SORCS3: variants seen among roughly 807,000 people sequenced by gnomAD.
SORCS3 encodes the protein VPS10 domain-containing receptor SorCS3.
Under a neutral mutation model 146.3 loss-of-function variants are expected in SORCS3, and 57 were observed. That is an observed-to-expected ratio of 0.39 (90% CI 0.31 to 0.49). The LOEUF is 0.49. Among genes scored for constraint, SORCS3 ranks in the 20% least tolerant of loss-of-function variants. The pLI, the probability that SORCS3 is intolerant of heterozygous loss-of-function variation, is 0.92. For synonymous variants in SORCS3, 653 were observed against 618.5 expected (o/e 1.06, Z -0.83); for missense variants, 1,341 against 1,575.5 (o/e 0.85, Z 2.52).
At chr10:105,190,850 T>C (rs1044061375) in intron 14 of SORCS3, among the ~76,000 whole-genome samples, 1 of 152,184 alleles carries the variant, frequency 6.6e-6, no homozygotes, top group Non-Finnish European at 1.5e-5. Flanking sequence ...ACAAAGTAAA[T>C]AATCATAATA....
At chr10:104,678,011 C>G (rs1025748104) in intron 1 of SORCS3, among the ~76,000 whole-genome samples, 5 of 152,088 alleles carry the variant, frequency 3.3e-5, no homozygotes, top group Admixed American at 2.0e-4. Context: ...CACCCACTTC[C>G]CAGGAGCTTG....
chr10:105,076,263 A>T (rs960458666), intron 5 of SORCS3, among the ~76,000 whole-genome samples: 2 of 152,166 alleles, frequency 1.3e-5, no homozygotes, highest in African/African-American at 4.8e-5. Flanking sequence ...CTCCTCTCTG[A>T]ACCACTGGAC....
At chr10:104,865,450 G>A (rs778851901) in intron 2 of SORCS3, among the ~76,000 whole-genome samples, 5 of 152,072 alleles carry the variant, frequency 3.3e-5, no homozygotes, top group Admixed American at 6.5e-5. Flanking sequence ...CAAATTTTAG[G>A]GATGAAGAAA....
chr10:105,029,342 C>T (rs2055249873), intron 4 of SORCS3, among the ~76,000 whole-genome samples: 1 of 152,302 alleles, frequency 6.6e-6, no homozygotes, highest in South Asian at 2.1e-4. Context: ...ATTTTAAAAT[C>T]CAAGGACAAG....
At chr10:104,675,165 T>C (rs1234063719) in intron 1 of SORCS3, among the ~76,000 whole-genome samples, 1 of 152,228 alleles carries the variant, frequency 6.6e-6, no homozygotes, top group African/African-American at 2.4e-5. Context: ...TTCTGTTGGG[T>C]ATGGTGATAA....
At chr10:105,058,239 G>A (rs1429413004) in intron 5 of SORCS3, among the ~76,000 whole-genome samples, 1 of 152,150 alleles carries the variant, frequency 6.6e-6, no homozygotes, top group Non-Finnish European at 1.5e-5. Context: ...TCTATAAAAG[G>A]CACCACAGTG....
chr10:104,776,341 T>A (rs760971209), intron 1 of SORCS3, among the ~76,000 whole-genome samples: 2 of 152,108 alleles, frequency 1.3e-5, no homozygotes, highest in Non-Finnish European at 2.9e-5. Flanking sequence ...GGAATTCTTA[T>A]GTGTATTTTG....
At chr10:104,835,426 G>A (rs1220416454) in intron 1 of SORCS3, among the ~76,000 whole-genome samples, 2 of 152,170 alleles carry the variant, frequency 1.3e-5, no homozygotes, top group African/African-American at 4.8e-5. Context: ...GGACCTAGAG[G>A]TGGATGTGCA....
intron 14 of SORCS3, among the ~76,000 whole-genome samples, chr10:105,194,100 T>C (rs1412833617): frequency 6.6e-6 from 1 of 152,122 alleles, no homozygotes; most frequent in Non-Finnish European, 1.5e-5. Context: ...GTTCCTGTGG[T>C]TGGGAGCAAC....
chr10:105,060,938 A>G (rs1053666761), intron 5 of SORCS3, among the ~76,000 whole-genome samples: 1 of 120,738 alleles, frequency 8.3e-6, no homozygotes, highest in Non-Finnish European at 1.9e-5. Context: ...ACTCCGTCTT[A>G]AAACAAAAAA....
chr10:105,058,264 A>G (rs1178094751), intron 5 of SORCS3, among the ~76,000 whole-genome samples: 2 of 152,178 alleles, frequency 1.3e-5, no homozygotes, highest in Non-Finnish European at 1.5e-5. Flanking sequence ...ATAATTGTCA[A>G]TGAGTGGGCT....
At chr10:104,653,839 T>C (rs1239810441) in intron 1 of SORCS3, among the ~76,000 whole-genome samples, 2 of 152,224 alleles carry the variant, frequency 1.3e-5, no homozygotes, top group Non-Finnish European at 2.9e-5. Flanking sequence ...TATTTTAAAA[T>C]GTACAATTAA....
At chr10:105,024,783 C>T (rs1242851608) in intron 4 of SORCS3, among the ~76,000 whole-genome samples, 1 of 152,146 alleles carries the variant, frequency 6.6e-6, no homozygotes, top group Admixed American at 6.5e-5. Context: ...CACCAACTAC[C>T]TGCCTAAGAA....
intron 1 of SORCS3, among the ~76,000 whole-genome samples, chr10:104,686,615 T>G (rs1554843796): frequency 6.6e-6 from 1 of 152,070 alleles, no homozygotes; most frequent in Non-Finnish European, 1.5e-5. Flanking sequence ...CACACAAGTC[T>G]TCTCTCTCCC....
intron 2 of SORCS3, among the ~76,000 whole-genome samples, chr10:104,870,003 G>A (rs2018501901): frequency 6.6e-6 from 1 of 152,210 alleles, no homozygotes; most frequent in East Asian, 1.9e-4. Flanking sequence ...GTAAATGAAT[G>A]AGTAGATATA....
intron 20 of SORCS3, among the ~76,000 whole-genome samples, chr10:105,242,934 T>TTATATATATAATATATGATATATAAATTA (rs200016626): frequency 3.6e-5 from 4 of 110,610 alleles, no homozygotes; most frequent in Non-Finnish European, 5.0e-5. Context: ...GATATATAAA[T>TTATATATATAATATATGATATATAAATTA]TATATATAAT....
At chr10:105,168,619 A>T (rs1383851983) in intron 13 of SORCS3, among the ~76,000 whole-genome samples, 1 of 152,130 alleles carries the variant, frequency 6.6e-6, no homozygotes, top group East Asian at 1.9e-4. Flanking sequence ...ATTTTACTGG[A>T]AAGCATCGGA....
intron 7 of SORCS3, among the ~76,000 whole-genome samples, chr10:105,130,723 G>A (rs548670893): frequency 6.4e-4 from 98 of 152,220 alleles, no homozygotes; most frequent in Non-Finnish European, 1.1e-3. Flanking sequence ...TTCAAAGGAG[G>A]CTCAGCCATA....
At chr10:104,749,423 A>G (rs545009974) in intron 1 of SORCS3, among the ~76,000 whole-genome samples, 3 of 152,248 alleles carry the variant, frequency 2.0e-5, no homozygotes, top group African/African-American at 4.8e-5. Flanking sequence ...TGTCTTCTTC[A>G]TATTTCATGC....
Sources: gnomAD v4.1 joint callset for allele counts (sites outside exome capture counted in the v4.1 genomes callset) on GRCh38, gnomAD v4.1.1 for gene constraint, MANE v1.5 for transcripts, NCBI Gene and HGNC (gene_info 2026-07-23, HGNC 2026-07-21) for gene names.